The following XIRP2 variants were observed in gnomAD, a reference collection of about 807,000 sequenced individuals.
XIRP2 encodes xin actin-binding repeat-containing protein 2.
In XIRP2, 236 loss-of-function variants were observed where a neutral mutation model predicts 277.0. The ratio of observed to expected loss-of-function variants is 0.85; its 90% confidence interval spans 0.77 to 0.95. The LOEUF is 0.95. Among genes scored for constraint, XIRP2 ranks in the 40% least tolerant of loss-of-function variants. XIRP2 has a pLI of 0.00. For missense variants in XIRP2, 4,640 were observed against 4,157.5 expected (o/e 1.12, Z -3.19); for synonymous variants, 1,490 against 1,416.5 (o/e 1.05, Z -1.17).
intron 10 of XIRP2, among the ~76,000 whole-genome samples, chr2:167,256,651 A>T (rs913584271): frequency 1.3e-5 from 2 of 151,842 alleles, no homozygotes; most frequent in Non-Finnish European, 2.9e-5. Flanking sequence ...TTCTTTTAAT[A>T]ACTTCATATA....
intron 2 of XIRP2, among the ~76,000 whole-genome samples, chr2:167,012,859 A>G (rs1036613882): frequency 1.3e-5 from 2 of 151,454 alleles, no homozygotes; most frequent in Non-Finnish European, 1.5e-5. Flanking sequence ...CTTCAATATC[A>G]TAGACTCCAA....
At chr2:167,174,018 G>A (rs544056008) in intron 3 of XIRP2, among the ~76,000 whole-genome samples, 89 of 152,296 alleles carry the variant, frequency 5.8e-4, no homozygotes, top group African/African-American at 2.0e-3. Flanking sequence ...CGGTTTGCCA[G>A]TATTTTATTG....
In XIRP2 at chr2:167,246,025, A is replaced by G. The variant is rs1573994145; in HGVS notation, c.4633A>G (p.Ile1545Val). The change falls in exon 9 of 11, where the codon ATA becomes GTA. Residue 1545 changes from isoleucine to valine, a missense_variant. By Grantham distance (29) the Ile-to-Val change is conservative. Coordinates refer to ENST00000409195, the MANE Select transcript of XIRP2 (RefSeq NM_152381.6). ...ATTTAATGAAACTAGAGTAGAAAAG[A>G]TAGAAATTATTGGCAAGAGCATTAA... ...HEFNETRVEK[I>V]EIIGKSIKET... The G allele has an allele frequency of 1.9e-6, 3 of 1,613,390 alleles. No individual in the cohort carries two copies. Among genetic ancestry groups the G allele is most frequent in the East Asian group, 4.5e-5 (2 of 44,840 alleles).
chr2:166,947,909 A>G lies in XIRP2; in HGVS notation c.408+44019A>G, dbSNP rs568960890. ...AACTGGTACATCTAGATGATGGAAT[A>G]TTACTCAGCACTAAAAAAGAAATGG... On this transcript the variant is annotated intron_variant, in intron 2 of 10. Transcript: ENST00000409195. Among the ~76,000 whole-genome samples the G allele has an allele frequency of 1.6e-4, 25 of 152,256 alleles. No individual in the cohort carries two copies. In the South Asian group the frequency reaches 5.2e-3, roughly 32 times the overall value.
chr2:167,112,253 T>A (rs1345886197), intron 2 of XIRP2, among the ~76,000 whole-genome samples: 1 of 152,008 alleles, frequency 6.6e-6, no homozygotes, highest in Middle Eastern at 3.2e-3. Context: ...CTTGTAATGT[T>A]TGGTTAATTT....
Position 167,258,694 on chromosome 2 carries a change from A to G in XIRP2, c.*877A>G. The G allele has an allele frequency of 1.2e-6, 2 of 1,612,950 alleles. No homozygotes were observed. The highest frequency in any genetic ancestry group is 1.7e-5 in the Admixed American group (1 of 59,812). On this transcript the variant is annotated 3_prime_UTR_variant, in exon 11 of 11. Transcript: ENST00000409195. ...ATAATAACAATTATGTAGCAGTCTC[A>G]TATCTGAATAATTGCAGGCAGAAGA...
rs1695792068 is a variant in XIRP2 at position 167,259,722 on chromosome 2, T to G, written c.*1905T>G. 5.2e-6 allele frequency: 1 copy of G among 192,472 alleles called. No individual in the cohort carries two copies. The highest frequency in any genetic ancestry group is 1.2e-5 in the Non-Finnish European group (1 of 85,424). The allele number at this position is 192,472 out of a possible 1,614,324, so 11.9% of individuals were successfully genotyped here. ...AACTTCTCTGTAATTTCCTCTGAAATAAAATTGAATCACCTGAGGTGCAAA... is the reference window on the plus strand; with the variant it reads ...AACTTCTCTGTAATTTCCTCTGAAAGAAAATTGAATCACCTGAGGTGCAAA... On this transcript the variant is annotated 3_prime_UTR_variant, in exon 11 of 11. Transcript: ENST00000409195.
chr2:167,197,682 T>C (rs940316483), intron 3 of XIRP2, among the ~76,000 whole-genome samples: 1 of 152,174 alleles, frequency 6.6e-6, no homozygotes, highest in Admixed American at 6.5e-5. Context: ...CACTGTGTGG[T>C]GACCAGCCTT....
chr2:167,238,346 G>A (rs1382875698), intron 5 of XIRP2, among the ~76,000 whole-genome samples: 1 of 152,118 alleles, frequency 6.6e-6, no homozygotes, highest in African/African-American at 2.4e-5. Context: ...ATTTAAACGT[G>A]TAAGTCCATA....
rs1273836823 is a variant in XIRP2, at chr2:167,226,375, TA to T, written c.858+8076del. On this transcript the variant is annotated intron_variant, in intron 5 of 10. Coordinates refer to ENST00000409195, the MANE Select transcript of XIRP2 (RefSeq NM_152381.6). ...TCTTCCTACCCACATCCACCTTCCC[TA>T]TAGCTCTGTAGATTGTGGCAGGATC... 2.6e-5 allele frequency among the ~76,000 whole-genome samples: 4 copies of T among 152,234 alleles called. No homozygotes were observed. The East Asian group carries it at 7.8e-4, about 30-fold the overall frequency.
intron 5 of XIRP2, among the ~76,000 whole-genome samples, chr2:167,235,892 A>G (rs1308082113): frequency 6.6e-6 from 1 of 151,974 alleles, no homozygotes; most frequent in African/African-American, 2.4e-5. Context: ...AAATCCAGAC[A>G]ATCACAATGG....
Position 167,246,434 on chromosome 2 carries a change from A to G in XIRP2, c.5042A>G (p.Glu1681Gly), listed in dbSNP as rs772761706. Residue 1681 changes from glutamate to glycine, a missense_variant, in exon 9 of 11, where the codon GAA (glutamate) becomes GGA (glycine). Coordinates refer to ENST00000409195, the MANE Select transcript of XIRP2 (RefSeq NM_152381.6). ...GTAAAGAAAGGCATCTTAATTCAGG[A>G]AGATGAAAAAGGAGATATTAACATG... ...RSVKKGILIQ[E>G]DEKGDINMTI... 8 of 1,613,648 alleles carry G rather than the reference A, an allele frequency of 5.0e-6. No homozygotes were observed. In the East Asian group the frequency reaches 1.8e-4, roughly 36 times the overall value.
intron 2 of XIRP2, among the ~76,000 whole-genome samples, chr2:167,089,134 T>G (rs1690065752): frequency 6.6e-6 from 1 of 152,162 alleles, no homozygotes; most frequent in South Asian, 2.1e-4. Context: ...CATCCTCAGG[T>G]AAGCTACATT....
chr2:167,100,792 TCCATCATTAGTAATTCCCTGCTC>T lies in XIRP2; in HGVS notation c.409-35113_409-35091del, dbSNP rs531983204. Among the ~76,000 whole-genome samples the T allele has an allele frequency of 7.9e-5, 12 of 152,298 alleles. No homozygotes were observed. The South Asian group carries it at 1.7e-3, about 21-fold the overall frequency. The stretch of plus-strand genomic sequence containing the variant: ...TCAACCTCTGCCTCTCCCTTCTTCT[TCCATCATTAGTAATTCCCTGCTC>T]CCAATCTCTAGATGAAGTCATATTT... On this transcript the variant is annotated intron_variant, in intron 2 of 10. Transcript: ENST00000409195.
intron 5 of XIRP2, among the ~76,000 whole-genome samples, chr2:167,219,761 T>A (rs1422262793): frequency 6.6e-6 from 1 of 152,204 alleles, no homozygotes; most frequent in East Asian, 1.9e-4. Flanking sequence ...ACCCCCTCAG[T>A]CTTCAGTTTC....
rs756861994 is a variant in XIRP2, at chr2:167,136,049, C to A, written c.549C>A (p.Ser183Arg). 2 of 1,603,428 alleles carry A rather than the reference C, an allele frequency of 1.2e-6. No homozygotes were observed. Among genetic ancestry groups the A allele is most frequent in the Non-Finnish European group, 1.7e-6 (2 of 1,175,918 alleles). The change falls in exon 3 of 11, where the codon AGC (serine) becomes AGA (arginine). Residue 183 changes from serine to arginine, a missense_variant. Physicochemically the swap from Ser to Arg is moderately radical, Grantham distance 110. Transcript: ENST00000409195. ...AGATGTCACCTGAAAGTGGTCACAG[C>A]CGCATCTTTGAAGGTTAGCATAACA... is the stretch of plus-strand genomic sequence containing the variant. Reference protein sequence around the residue: ...FDKMSPESGHSRIFEATAGPN... With the variant: ...FDKMSPESGHRRIFEATAGPN...
chr2:166,952,461 G>A (rs1220506529), intron 2 of XIRP2, among the ~76,000 whole-genome samples: 1 of 151,934 alleles, frequency 6.6e-6, no homozygotes, highest in East Asian at 1.9e-4. Flanking sequence ...AGAGACATGA[G>A]AAAATCCATT....
Position 167,259,376 on chromosome 2 carries a change from C to G in XIRP2, c.*1559C>G, listed in dbSNP as rs1350300527. On this transcript the variant is annotated 3_prime_UTR_variant, in exon 11 of 11. Transcript: ENST00000409195. ...TGACACTGAGTAAAATATCTATGGC[C>G]ACTGACAGTCCACACTTAGGCACTG... 10 of 1,583,252 alleles carry G rather than the reference C, an allele frequency of 6.3e-6. No homozygotes were observed. In the South Asian group the frequency reaches 1.2e-4, roughly 18 times the overall value.
chr2:167,244,090 A>G lies in XIRP2; in HGVS notation c.2698A>G (p.Thr900Ala), dbSNP rs1228426574. ...TGATATAGGAAAGCTTCAAAAAATC[A>G]CTGCCTCTGAAGAAGAAAAAGGGGA... is the stretch of plus-strand genomic sequence containing the variant. Reference protein sequence around the residue: ...SPDIGKLQKITASEEEKGDVR... With the variant: ...SPDIGKLQKIAASEEEKGDVR... Residue 900 changes from threonine (T) to alanine (A), a missense_variant, in exon 9 of 11, where the codon ACT (threonine) becomes GCT (alanine). Transcript: ENST00000409195. 1.2e-6 allele frequency: 2 copies of G among 1,613,808 alleles called. No homozygotes were observed. The highest frequency in any genetic ancestry group is 1.7e-6 in the Non-Finnish European group (2 of 1,179,932).
Sources: gnomAD v4.1 joint callset for allele counts (sites outside exome capture counted in the v4.1 genomes callset) on GRCh38, gnomAD v4.1.1 for gene constraint, MANE v1.5 for transcripts, NCBI Gene and HGNC (gene_info 2026-07-23, HGNC 2026-07-21) for gene names.